Variants in NCBP3 observed in about 807,000 individuals in gnomAD.
The protein encoded by NCBP3 is nuclear cap binding subunit 3.
NCBP3 carries 20 observed loss-of-function variants against 75.7 expected under a neutral mutation model. The observed-to-expected ratio is 0.26, with a 90% CI of 0.19 to 0.38. NCBP3 has a LOEUF of 0.38. Among genes scored for constraint, NCBP3 ranks in the 10% least tolerant of loss-of-function variants. NCBP3 has a pLI of 1.00. For missense variants in NCBP3, 678 were observed against 796.9 expected (o/e 0.85, Z 1.80); for synonymous variants, 293 against 290.5 (o/e 1.01, Z -0.09).
In NCBP3 at chr17:3,804,904, C is replaced by T. The variant is rs2053320688; in HGVS notation, c.*8140G>A. ...GGGACTCCAAACAGGCCTGTTTCCT[C>T]CAGAATCAGGACTCTGAACCACCAC... is the stretch of plus-strand genomic sequence containing the variant. On this transcript the variant is annotated 3_prime_UTR_variant, in exon 13 of 13. Coordinates refer to ENST00000389005, the MANE Select transcript of NCBP3 (RefSeq NM_001114118.3). 6.6e-6 allele frequency: 1 copy of T among 152,232 alleles called. No individual in the cohort carries two copies. Among genetic ancestry groups the T allele is most frequent in the Non-Finnish European group, 1.5e-5 (1 of 68,056 alleles). 9.4% of individuals were successfully genotyped at this position (152,232 alleles called of 1,614,324 possible). A position where few individuals can be genotyped will look rare whatever the true frequency, so the allele number is the denominator to read the frequency against.
At chr17:3,834,963 T>A (rs771584985) in intron 3 of NCBP3, among the ~76,000 whole-genome samples, 1 of 152,164 alleles carries the variant, frequency 6.6e-6, no homozygotes, top group Non-Finnish European at 1.5e-5. Flanking sequence ...CAGTTCCTCA[T>A]GACAGTAAAA....
chr17:3,842,953 A>G (rs550330460), intron 2 of NCBP3, 133 bp downstream of exon 2: 41 of 837,584 alleles, frequency 4.9e-5, no homozygotes, highest in Non-Finnish European at 7.1e-5. Context: ...CAATAACACA[A>G]TTTTTTTTAG....
chr17:3,840,318 A>G (rs1445945636), intron 2 of NCBP3, 113 bp from the exon 3 acceptor site: 3 of 782,166 alleles, frequency 3.8e-6, no homozygotes, highest in African/African-American at 3.5e-5. Context: ...GAAATAAGCA[A>G]CACTACACCT....
In NCBP3 at chr17:3,812,322, C is replaced by A. The variant is rs1409008662; in HGVS notation, c.*722G>T. The A allele has an allele frequency of 6.0e-6, 1 of 166,212 alleles. No homozygotes were observed. Among genetic ancestry groups the A allele is most frequent in the Non-Finnish European group, 1.2e-5 (1 of 80,508 alleles). 10.3% of individuals were successfully genotyped at this position (166,212 alleles called of 1,614,324 possible). The stretch of plus-strand genomic sequence containing the variant: ...TCTTCAACATTGACCCATAATCCCA[C>A]CCCAGCACAAAAATCAACCCCAAAT... On this transcript the variant is annotated 3_prime_UTR_variant, in exon 13 of 13. Transcript: ENST00000389005.
In NCBP3 at chr17:3,808,735, T is replaced by C. The variant is rs1051572842; in HGVS notation, c.*4309A>G. 1 of 152,178 alleles carries C rather than the reference T, an allele frequency of 6.6e-6. No homozygotes were observed. The highest frequency in any genetic ancestry group is 2.4e-5 in the African/African-American group (1 of 41,418). The allele number at this position is 152,178 out of a possible 1,614,324, so 9.4% of individuals were successfully genotyped here. A position where few individuals can be genotyped will look rare whatever the true frequency, so the allele number is the denominator to read the frequency against. On this transcript the variant is annotated 3_prime_UTR_variant, in exon 13 of 13. Transcript: ENST00000389005. ...TATCAAAAAGGGTGGAATTTATGTA[T>C]GTATGTATTTTTTGAGACAGGTCTT...
At chr17:3,827,407 T>A (rs912623785) in intron 4 of NCBP3, among the ~76,000 whole-genome samples, 1 of 152,218 alleles carries the variant, frequency 6.6e-6, no homozygotes, top group African/African-American at 2.4e-5. Context: ...CCCTTCATCA[T>A]TCCCATTGGA....
At chr17:3,828,914 C>A (rs2053831452) in intron 4 of NCBP3, among the ~76,000 whole-genome samples, 1 of 152,180 alleles carries the variant, frequency 6.6e-6, no homozygotes, top group South Asian at 2.1e-4. Flanking sequence ...AGCCCCAAGT[C>A]TACGCAGTTG....
intron 4 of NCBP3, among the ~76,000 whole-genome samples, chr17:3,826,695 A>AGAAGGAAGGAACGAAGGAAG (rs1555532713): frequency 3.4e-5 from 5 of 146,084 alleles, no homozygotes; most frequent in East Asian, 3.9e-4. Context: ...AGACAGAAAG[A>AGAAGGAAGGAACGAAGGAAG]GAAGGAAGGA....
chr17:3,816,317 T>C (rs766205378), intron 10 of NCBP3, 47 bp from the exon 11 acceptor site: 5 of 1,550,714 alleles, frequency 3.2e-6, no homozygotes, highest in Non-Finnish European at 4.4e-6. Context: ...ACTTCAACTG[T>C]GAGACAAGAC....
Position 3,808,773 on chromosome 17 carries a change from A to C in NCBP3, c.*4271T>G, listed in dbSNP as rs537836759. On this transcript the variant is annotated 3_prime_UTR_variant, in exon 13 of 13. Transcript: ENST00000389005. ...TGAGACAGGTCTTGCTCTGCTGCCC[A>C]GGCTGGAGTGCAGTGGCTTGATCAT... The C allele has an allele frequency of 6.6e-6, 1 of 152,400 alleles. No homozygotes were observed. The highest frequency in any genetic ancestry group is 1.5e-5 in the Non-Finnish European group (1 of 68,110). The allele number at this position is 152,400 out of a possible 1,614,324, so 9.4% of individuals were successfully genotyped here.
In NCBP3 at chr17:3,814,386, A is replaced by C; in HGVS notation, c.1563T>G (p.Ser521Arg). The C allele has an allele frequency of 6.2e-7, 1 of 1,614,192 alleles. No individual in the cohort carries two copies. The highest frequency in any genetic ancestry group is 8.5e-7 in the Non-Finnish European group (1 of 1,180,018). The change falls in exon 12 of 13, where the codon AGT becomes AGG. Residue 521 changes from serine to arginine, a missense_variant. Physicochemically the swap from Ser to Arg is moderately radical, Grantham distance 110. Coordinates refer to ENST00000389005, the MANE Select transcript of NCBP3 (RefSeq NM_001114118.3). ...VRREPSSDVHSRLGVPRQDSK... is the reference protein window; with the variant it reads ...VRREPSSDVHRRLGVPRQDSK... ...TATCCTGCCTGGGAACACCTAGCCT[A>C]CTATGCACATCAGAAGAGGGCTCTC...
In NCBP3 at chr17:3,846,110, C is replaced by T; in HGVS notation, c.114G>A (p.Glu38=). Residue 38 remains glutamate (E), a synonymous_variant, in exon 1 of 13, where the codon GAG becomes GAA. Transcript: ENST00000389005. The surrounding 1 kb of genome is among the most constrained non-coding windows in gnomAD (Gnocchi z 4.6). ...AESGVDRGEP[E]PMEVEEGELE... ...GCTCGCCCTCCTCCACCTCCATGGGCTCCGGCTCGCCACGGTCAACACCGG... is the reference window on the plus strand; with the variant it reads ...GCTCGCCCTCCTCCACCTCCATGGGTTCCGGCTCGCCACGGTCAACACCGG... 6.5e-7 allele frequency: 1 copy of T among 1,548,784 alleles called. No homozygotes were observed. Among genetic ancestry groups the T allele is most frequent in the Non-Finnish European group, 8.7e-7 (1 of 1,145,874 alleles).
At chr17:3,843,479 C>T (rs763950449) in intron 1 of NCBP3, among the ~76,000 whole-genome samples, 17 of 152,350 alleles carry the variant, frequency 1.1e-4, no homozygotes, top group Middle Eastern at 3.4e-3. Context: ...AGCAGTCCTC[C>T]TGCCTCAGTC....
At position 3,813,186 on chromosome 17, in the gene NCBP3, T is replaced by A; in HGVS notation, c.1721A>T (p.Asp574Val). ...DHRAPGAEEDDSELQRAWGAL... is the reference protein window; with the variant it reads ...DHRAPGAEEDVSELQRAWGAL... ...CCCCCATGCCCTTTGCAGCTCAGAG[T>A]CGTCTTCCTCAGCGCCAGGCGCCCT... is the stretch of plus-strand genomic sequence containing the variant. Residue 574 changes from aspartate (D) to valine (V), a missense_variant, in exon 13 of 13, where the codon GAC becomes GTC. Physicochemically the swap from Asp to Val is radical, Grantham distance 152 (BLOSUM62 -3). Around this residue, in one of 7 missense-constraint regions of NCBP3, gnomAD observed 365 missense variants for 392.7 expected, o/e 0.93. Coordinates refer to ENST00000389005, the MANE Select transcript of NCBP3 (RefSeq NM_001114118.3). 1 of 1,614,200 alleles carries A rather than the reference T, an allele frequency of 6.2e-7. No homozygotes were observed. Among genetic ancestry groups the A allele is most frequent in the South Asian group, 1.1e-5 (1 of 91,080 alleles).
At chr17:3,822,823 C>T (rs2143662108) in intron 7 of NCBP3, 1 of 152,300 alleles carries the variant, frequency 6.6e-6, no homozygotes, top group Middle Eastern at 3.4e-3. Flanking sequence ...ACCCCCGAAC[C>T]CCTCAAACCA....
chr17:3,842,135 G>A (rs2054075420), intron 2 of NCBP3, among the ~76,000 whole-genome samples: 1 of 151,898 alleles, frequency 6.6e-6, no homozygotes, highest in South Asian at 2.1e-4. Flanking sequence ...TCTTATTAAG[G>A]GCCTATTATG....
At chr17:3,822,111 AT>A (rs928144295) in intron 7 of NCBP3, 59 bp from the exon 8 acceptor site, 1,761 of 1,100,016 alleles carry the variant, frequency 1.6e-3, no homozygotes, top group Non-Finnish European at 1.9e-3. Context: ...ACAATGTTGA[AT>A]TTTTTTTTTA....
Position 3,843,102 on chromosome 17 carries a change from A to T in NCBP3, c.233T>A (p.Ile78Asn). ...ENKAGSFITG[I>N]DVTSKEAIEK... ...CTGTCTTACCTTGGAGGTGACATCA[A>T]TTCCAGTGATGAAGCTGCCAGCCTT... The change falls in exon 2 of 13, where the codon ATT becomes AAT. Residue 78 changes from isoleucine to asparagine, a missense_variant. Transcript: ENST00000389005. 1 of 1,551,240 alleles carries T rather than the reference A, an allele frequency of 6.4e-7. No individual in the cohort carries two copies. The highest frequency in any genetic ancestry group is 8.7e-7 in the Non-Finnish European group (1 of 1,146,564).
At chr17:3,844,480 G>C (rs2054123391) in intron 1 of NCBP3, among the ~76,000 whole-genome samples, 1 of 152,142 alleles carries the variant, frequency 6.6e-6, no homozygotes, top group African/African-American at 2.4e-5. Flanking sequence ...AGTTTATATG[G>C]AACATAAACT....
Sources: gnomAD v4.1 joint callset for allele counts (sites outside exome capture counted in the v4.1 genomes callset) on GRCh38, gnomAD v4.1.1 for gene constraint, gnomAD v4.1.1 regional missense constraint, Gnocchi (gnomAD v3.1) non-coding constraint, MANE v1.5 for transcripts, NCBI Gene and HGNC (gene_info 2026-07-23, HGNC 2026-07-21) for gene names.